The following SPATA4 variants were observed in gnomAD, a reference collection of about 807,000 sequenced individuals.
SPATA4 encodes spermatogenesis-associated protein 4.
SPATA4 carries 35 observed loss-of-function variants against 31.8 expected under a neutral mutation model. The ratio of observed to expected loss-of-function variants is 1.10; its 90% CI spans 0.84 to 1.46. SPATA4 has a LOEUF of 1.46. Ranked by LOEUF, SPATA4 falls within the 40% of genes most tolerant of loss-of-function variation. The probability of loss-of-function intolerance (pLI) is 0.00; values close to 1 mark genes in which losing one functional copy is unlikely to be tolerated. For missense variants in SPATA4, 394 were observed against 363.1 expected (o/e 1.09, Z -0.69); for synonymous variants, 126 against 132.4 (o/e 0.95, Z 0.33).
At chr4:176,194,757 CAG>C (rs1426318166) in intron 1 of SPATA4, 11 of 109,566 alleles carry the variant, frequency 1.0e-4, no homozygotes, top group Non-Finnish European at 1.8e-4. Context: ...TTTTTTGAGA[CAG>C]AGTCTTACCC....
chr4:176,189,512 A>C (rs887806215), intron 4 of SPATA4, among the ~76,000 whole-genome samples: 3 of 152,228 alleles, frequency 2.0e-5, no homozygotes, highest in Admixed American at 6.5e-5. Context: ...AACAACGGGC[A>C]GTATTAATAA....
At chr4:176,193,413 A>G in intron 2 of SPATA4, 40 bp downstream of exon 2, 1 of 1,597,190 alleles carries the variant, frequency 6.3e-7, no homozygotes, top group African/African-American at 1.3e-5. Flanking sequence ...TTTAAAACAA[A>G]CATCTTAACA....
chr4:176,195,356 C>T lies in SPATA4; in HGVS notation c.207G>A (p.Arg69=). 6.2e-7 allele frequency: 1 copy of T among 1,614,088 alleles called. No homozygotes were observed. The highest frequency in any genetic ancestry group is 8.5e-7 in the Non-Finnish European group (1 of 1,180,032). ...GCTTACTCAAGCACCTGTTGATGTT[C>T]CTGGGGAAGAAGCTGAGATCCAGAC... is the stretch of plus-strand genomic sequence containing the variant. ...LQGLDLSFFP[R]NINRDFSNGF... Residue 69 remains arginine, a synonymous_variant, in exon 1 of 6, where the codon AGG becomes AGA. Coordinates refer to ENST00000280191, the MANE Select transcript of SPATA4 (RefSeq NM_144644.4).
Position 176,195,367 on chromosome 4 carries a change from A to G in SPATA4, c.196T>C (p.Phe66Leu), listed in dbSNP as rs781781341. The change falls in exon 1 of 6, where the codon TTC (phenylalanine) becomes CTC (leucine). Residue 66 changes from phenylalanine to leucine, a missense_variant. Coordinates refer to ENST00000280191, the MANE Select transcript of SPATA4 (RefSeq NM_144644.4). ...LRWLQGLDLSFFPRNINRDFS... is the reference protein window; with the variant it reads ...LRWLQGLDLSLFPRNINRDFS... ...CACCTGTTGATGTTCCTGGGGAAGA[A>G]GCTGAGATCCAGACCCTGAAGCCAA... The G allele has an allele frequency of 6.2e-7, 1 of 1,614,114 alleles. No homozygotes were observed. Among genetic ancestry groups the G allele is most frequent in the East Asian group, 2.2e-5 (1 of 44,842 alleles).
At chr4:176,184,949 C>T in intron 5 of SPATA4, 57 bp from the exon 6 acceptor site, 3 of 1,011,210 alleles carry the variant, frequency 3.0e-6, no homozygotes, top group Non-Finnish European at 4.5e-6. Flanking sequence ...AATATTCATA[C>T]AAGCATCAAC....
chr4:176,188,128 G>T lies in SPATA4; in HGVS notation c.796C>A (p.Pro266Thr), dbSNP rs868317640. 4 of 1,609,868 alleles carry T rather than the reference G, an allele frequency of 2.5e-6. No homozygotes were observed. Among genetic ancestry groups the T allele is most frequent in the Non-Finnish European group, 3.4e-6 (4 of 1,177,244 alleles). Reference sequence around the variant, plus strand: ...AAGAGTTAAAACTTACGTAAAACAGGGACAACTCTTCCTCTTTTAACTTTT... The same window carrying T: ...AAGAGTTAAAACTTACGTAAAACAGTGACAACTCTTCCTCTTTTAACTTTT... ...NLKVKRGRVVPVLPNIGSGGS... is the reference protein window; with the variant it reads ...NLKVKRGRVVTVLPNIGSGGS... Residue 266 changes from proline to threonine, a missense_variant, in exon 5 of 6, where the codon CCT becomes ACT. Physicochemically the swap from Pro to Thr is conservative, Grantham distance 38 (BLOSUM62 -1). Transcript: ENST00000280191.
intron 1 of SPATA4, chr4:176,193,965 C>T (rs932133852): frequency 5.0e-5 from 8 of 159,452 alleles, no homozygotes; most frequent in Non-Finnish European, 9.6e-5. Context: ...CAATCACAGT[C>T]GGAAAATATT....
At chr4:176,189,032 C>T (rs137981892) in intron 4 of SPATA4, among the ~76,000 whole-genome samples, 1,698 of 152,288 alleles carry the variant, frequency 0.011, 14 homozygotes, top group Middle Eastern at 0.024. Context: ...GGAAAAAGAG[C>T]ACTGCTCAAG....
intron 5 of SPATA4, among the ~76,000 whole-genome samples, chr4:176,186,825 T>TG (rs1382636752): frequency 9.2e-5 from 13 of 141,162 alleles, no homozygotes; most frequent in Non-Finnish European, 1.6e-4. Flanking sequence ...TGAGAAATCA[T>TG]GGTTTTTTTT....
At chr4:176,185,766 TA>T (rs1382664823) in intron 5 of SPATA4, among the ~76,000 whole-genome samples, 1 of 152,234 alleles carries the variant, frequency 6.6e-6, no homozygotes, top group Non-Finnish European at 1.5e-5. Context: ...ATTAATTTAC[TA>T]TGTGCCTAGA....
intron 4 of SPATA4, among the ~76,000 whole-genome samples, chr4:176,189,304 A>G (rs752619324): frequency 3.3e-5 from 5 of 152,174 alleles, no homozygotes; most frequent in Non-Finnish European, 7.3e-5. Context: ...TTAATTTTAG[A>G]CTAAGATAAA....
intron 5 of SPATA4, among the ~76,000 whole-genome samples, chr4:176,186,803 T>C (rs1303288534): frequency 2.0e-5 from 3 of 151,862 alleles, no homozygotes; most frequent in African/African-American, 7.3e-5. Context: ...CATATTAGCA[T>C]ATTAAAGGTT....
chr4:176,195,224 G>A, intron 1 of SPATA4, 121 bp downstream of exon 1: 5 of 805,032 alleles, frequency 6.2e-6, no homozygotes, highest in Non-Finnish European at 1.0e-5. Flanking sequence ...TGTGTACGTG[G>A]GTGGGGGGGT....
chr4:176,187,600 T>C (rs1752465862), intron 5 of SPATA4, among the ~76,000 whole-genome samples: 1 of 152,038 alleles, frequency 6.6e-6, no homozygotes, highest in Non-Finnish European at 1.5e-5. Context: ...TGAGACTCCG[T>C]CTCCAAAAAA....
chr4:176,184,874 C>A lies in SPATA4; in HGVS notation c.824G>T (p.Gly275Val). The A allele has an allele frequency of 6.3e-7, 1 of 1,591,706 alleles. No homozygotes were observed. Among genetic ancestry groups the A allele is most frequent in the Non-Finnish European group, 8.6e-7 (1 of 1,168,560 alleles). The change falls in exon 6 of 6, where the codon GGC becomes GTC. Residue 275 changes from glycine to valine, a missense_variant. Physicochemically the swap from Gly to Val is moderately radical, Grantham distance 109 (BLOSUM62 -3). Transcript: ENST00000280191. ...CACATGTATTTCTCTATGTGAACTG[C>A]CACCACTACCTATATTTGCTGGGAC... ...VPVLPNIGSGGSSHREIHVKQ... is the reference protein window; with the variant it reads ...VPVLPNIGSGVSSHREIHVKQ...
intron 1 of SPATA4, chr4:176,194,484 T>C (rs918944894): frequency 7.2e-5 from 11 of 152,142 alleles, no homozygotes; most frequent in Non-Finnish European, 1.5e-4. Context: ...GTATCCACAG[T>C]TGCCATCCAC....
chr4:176,193,581 C>G lies in SPATA4; in HGVS notation c.220G>C (p.Asp74His), dbSNP rs771103532. 6.2e-7 allele frequency: 1 copy of G among 1,604,254 alleles called. No homozygotes were observed. The highest frequency in any genetic ancestry group is 1.3e-5 in the African/African-American group (1 of 74,600). ...LSFFPRNINR[D>H]FSNGFLIAEI... Reference sequence around the variant, plus strand: ...GCAATTAGGAAGCCATTTGAAAAATCTCTGATCCGTGGCAATTAGGAAATG... The same window carrying G: ...GCAATTAGGAAGCCATTTGAAAAATGTCTGATCCGTGGCAATTAGGAAATG... Residue 74 changes from aspartate (D) to histidine (H), a missense_variant and splice_region_variant, in exon 2 of 6, where the codon GAT becomes CAT. Physicochemically the swap from Asp to His is moderately conservative, Grantham distance 81. Coordinates refer to ENST00000280191, the MANE Select transcript of SPATA4 (RefSeq NM_144644.4).
intron 5 of SPATA4, among the ~76,000 whole-genome samples, chr4:176,187,859 G>T (rs142949458): frequency 6.6e-6 from 1 of 152,122 alleles, no homozygotes; most frequent in African/African-American, 2.4e-5. Flanking sequence ...TGAGCCTGAC[G>T]TGTTTCCAAC....
In SPATA4 at chr4:176,187,068, T is replaced by C. The variant is rs75213425; in HGVS notation, c.805+1051A>G. Among the ~76,000 whole-genome samples, 1,197 of 152,290 alleles carry C rather than the reference T, an allele frequency of 7.9e-3. 16 individuals carry two copies. Among genetic ancestry groups the C allele is most frequent in the African/African-American group, 0.026 (1,073 of 41,570 alleles). ...TGAATTTCAGATAAATAATGAATAA[T>C]TTTTAGTAAAAGTGTGTCCTAAATA... On this transcript the variant is annotated intron_variant, in intron 5 of 5. Coordinates refer to ENST00000280191, the MANE Select transcript of SPATA4 (RefSeq NM_144644.4).
Sources: allele counts gnomAD v4.1 joint callset (sites outside exome capture counted in the v4.1 genomes callset), GRCh38; gene constraint gnomAD v4.1.1; transcripts MANE v1.5; gene names NCBI Gene and HGNC (gene_info 2026-07-23, HGNC 2026-07-21).